KLF12: variants seen among roughly 807,000 people sequenced by gnomAD.
KLF12 encodes the protein KLF transcription factor 12, also known as Krueppel-like factor 12.
Under a neutral mutation model 37.8 loss-of-function variants are expected in KLF12, and 9 were observed. The observed-to-expected ratio is 0.24, with a 90% CI of 0.14 to 0.42. The LOEUF (loss-of-function observed/expected upper bound fraction) is 0.42, where lower values mean the gene tolerates loss of function less well. Ranked by LOEUF, KLF12 falls within the 10% of genes least tolerant of loss-of-function variation. KLF12 has a pLI of 1.00. For missense variants in KLF12, 411 were observed against 516.0 expected, an observed-to-expected ratio of 0.80 and a Z score of 1.97; for synonymous variants, 208 against 202.1, an observed-to-expected ratio of 1.03 and a Z score of -0.25.
At chr13:74,054,491 G>A (rs1414627915) in intron 1 of KLF12, among the ~76,000 whole-genome samples, 1 of 152,152 alleles carries the variant, frequency 6.6e-6, no homozygotes, top group Non-Finnish European at 1.5e-5. Flanking sequence ...GCAAGGAAGA[G>A]CAAGGAAGTG....
At chr13:73,758,260 C>G (rs941380146) in intron 6 of KLF12, among the ~76,000 whole-genome samples, 2 of 151,952 alleles carry the variant, frequency 1.3e-5, no homozygotes, top group African/African-American at 4.8e-5. Flanking sequence ...GGAGAATAAC[C>G]CACATCATAC....
the KLF12 span, among the ~76,000 whole-genome samples, chr13:74,216,572 C>T: frequency 6.6e-6 from 1 of 152,146 alleles, no homozygotes; most frequent in African/African-American, 2.4e-5. Flanking sequence ...TTCAATTCTT[C>T]ATTTATTCTC....
At chr13:74,132,244 C>T (rs1456633311) in intron 1 of KLF12, among the ~76,000 whole-genome samples, 1 of 152,170 alleles carries the variant, frequency 6.6e-6, no homozygotes, top group East Asian at 1.9e-4. Flanking sequence ...CTGCTTCTTG[C>T]TAAAAGCCAC....
Position 73,689,290 on chromosome 13 carries a change from T to C in KLF12, c.*6200A>G, listed in dbSNP as rs1218778419. On this transcript the variant is annotated 3_prime_UTR_variant, in exon 8 of 8. Transcript: ENST00000377669. The stretch of plus-strand genomic sequence containing the variant: ...TTCTAACATTGGGAGGAGAAAACAG[T>C]GGATGTTTTTTTGAGGCCTGTGGTC... 4 of 152,016 alleles carry C rather than the reference T, an allele frequency of 2.6e-5. No homozygotes were observed. Among genetic ancestry groups the C allele is most frequent in the Non-Finnish European group, 5.9e-5 (4 of 68,018 alleles). 9.4% of individuals were successfully genotyped at this position (152,016 alleles called of 1,614,324 possible). A position where few individuals can be genotyped will look rare whatever the true frequency, so the allele number is the denominator to read the frequency against.
chr13:74,077,390 A>AT, intron 1 of KLF12, among the ~76,000 whole-genome samples: 1 of 152,322 alleles, frequency 6.6e-6, no homozygotes, highest in East Asian at 1.9e-4. Context: ...GGTATATTCT[A>AT]TACTAAAAGA....
chr13:74,205,427 G>T, the KLF12 span, among the ~76,000 whole-genome samples: 50 of 152,168 alleles, frequency 3.3e-4, no homozygotes, highest in Admixed American at 1.7e-3. Context: ...GATGGAGTTT[G>T]AGGTTTGGGA....
chr13:74,145,837 G>T, the KLF12 span, among the ~76,000 whole-genome samples: 1 of 152,080 alleles, frequency 6.6e-6, no homozygotes, highest in Non-Finnish European at 1.5e-5. Flanking sequence ...ATGTTCCAAG[G>T]TTAATAGCAG....
chr13:74,232,894 A>ATTC, the KLF12 span, among the ~76,000 whole-genome samples: 33,928 of 151,732 alleles, frequency 0.22, 6,494 homozygotes, highest in African/African-American at 0.52. Flanking sequence ...TATTATTATT[A>ATTC]TTATTTTCTG....
intron 4 of KLF12, among the ~76,000 whole-genome samples, chr13:73,839,856 T>C (rs1467829750): frequency 6.6e-6 from 1 of 152,232 alleles, no homozygotes; most frequent in Non-Finnish European, 1.5e-5. Context: ...AAGATAATGA[T>C]GTAGGATTAT....
chr13:74,268,993 G>A, the KLF12 span, among the ~76,000 whole-genome samples: 1 of 152,170 alleles, frequency 6.6e-6, no homozygotes, highest in African/African-American at 2.4e-5. Context: ...AGAATGGACA[G>A]AATCAACTGA....
At chr13:73,985,149 A>C (rs1056335919) in intron 2 of KLF12, among the ~76,000 whole-genome samples, 1 of 152,230 alleles carries the variant, frequency 6.6e-6, no homozygotes, top group African/African-American at 2.4e-5. Context: ...TGTCGACGAG[A>C]GTCTTCATGA....
At chr13:74,232,797 G>T in the KLF12 span, among the ~76,000 whole-genome samples, 1 of 152,108 alleles carries the variant, frequency 6.6e-6, no homozygotes, top group East Asian at 1.9e-4. Context: ...AAAGTGTTGG[G>T]CCATCCCATG....
At chr13:73,755,410 C>T (rs1879087467) in intron 6 of KLF12, among the ~76,000 whole-genome samples, 1 of 152,098 alleles carries the variant, frequency 6.6e-6, no homozygotes, top group South Asian at 2.1e-4. Flanking sequence ...ATGTATTGAA[C>T]TGCAGTCCTA....
At chr13:73,959,349 C>A (rs1593783170) in intron 2 of KLF12, among the ~76,000 whole-genome samples, 1 of 152,090 alleles carries the variant, frequency 6.6e-6, no homozygotes, top group African/African-American at 2.4e-5. Flanking sequence ...TTCATCCCAC[C>A]ACCAAAGACA....
chr13:73,905,661 G>T (rs1224800217), intron 3 of KLF12, among the ~76,000 whole-genome samples: 1 of 151,760 alleles, frequency 6.6e-6, no homozygotes. Flanking sequence ...ACACATAAAA[G>T]CAGATAACAT....
intron 3 of KLF12, among the ~76,000 whole-genome samples, chr13:73,868,141 C>T (rs1180528256): frequency 6.8e-6 from 1 of 147,324 alleles, no homozygotes; most frequent in African/African-American, 2.5e-5. Flanking sequence ...GGATAAACCC[C>T]GTCTCTACTA....
chr13:73,908,044 T>G (rs1288192463), intron 3 of KLF12, among the ~76,000 whole-genome samples: 1 of 152,160 alleles, frequency 6.6e-6, no homozygotes, highest in Non-Finnish European at 1.5e-5. Context: ...CTTAGTCTAC[T>G]GCATCTTTCA....
At chr13:73,838,169 G>T (rs373348475) in intron 4 of KLF12, among the ~76,000 whole-genome samples, 6 of 152,254 alleles carry the variant, frequency 3.9e-5, no homozygotes, top group Admixed American at 1.3e-4. Context: ...AATGCGCAAT[G>T]AGTTTTGCAG....
the KLF12 span, among the ~76,000 whole-genome samples, chr13:74,148,210 C>T: frequency 1.8e-4 from 27 of 152,166 alleles, no homozygotes; most frequent in Admixed American, 7.8e-4. Context: ...CCACCACCCC[C>T]GGCCTGTTCT....
Sources: allele counts gnomAD v4.1 joint callset (sites outside exome capture counted in the v4.1 genomes callset), GRCh38; gene constraint gnomAD v4.1.1; transcripts MANE v1.5; gene names NCBI Gene and HGNC (gene_info 2026-07-23, HGNC 2026-07-21).